Variants in CACNB4 observed in about 807,000 individuals in gnomAD.
The protein encoded by CACNB4 is calcium voltage-gated channel auxiliary subunit beta 4, also known as voltage-dependent L-type calcium channel subunit beta-4.
CACNB4 carries 32 observed loss-of-function variants against 71.2 expected under a neutral mutation model. The observed-to-expected ratio is 0.45, with a 90% CI of 0.34 to 0.60. The LOEUF is 0.60. Among genes scored for constraint, CACNB4 ranks in the 20% least tolerant of loss-of-function variants. CACNB4 has a pLI of 0.01. For synonymous variants in CACNB4, 231 were observed against 236.9 expected (o/e 0.97, Z 0.23); for missense variants, 464 against 647.9 (o/e 0.72, Z 3.08).
chr2:151,982,229 A>G (rs773772108), intron 2 of CACNB4, among the ~76,000 whole-genome samples: 1 of 152,126 alleles, frequency 6.6e-6, no homozygotes, highest in African/African-American at 2.4e-5. Context: ...AGGTTCTTCA[A>G]CTAGAAATTA....
intron 2 of CACNB4, among the ~76,000 whole-genome samples, chr2:151,941,542 A>G (rs1397956163): frequency 1.1e-4 from 16 of 151,972 alleles, no homozygotes; most frequent in Non-Finnish European, 2.4e-4. Context: ...TCAGCCTCCC[A>G]AAGTGCTGGG....
chr2:151,900,066 T>C (rs1419592683), intron 2 of CACNB4, among the ~76,000 whole-genome samples: 2 of 152,086 alleles, frequency 1.3e-5, no homozygotes, highest in African/African-American at 4.8e-5. Context: ...AGCAGAATTA[T>C]CAGGAATGGC....
chr2:152,042,014 A>T (rs73967737), intron 2 of CACNB4, among the ~76,000 whole-genome samples: 1,635 of 152,270 alleles, frequency 0.011, 34 homozygotes, highest in African/African-American at 0.037. Context: ...AGAGCAAACT[A>T]TGTGATCTGT....
chr2:152,062,836 G>A (rs549541191), intron 2 of CACNB4, among the ~76,000 whole-genome samples: 2 of 152,354 alleles, frequency 1.3e-5, no homozygotes, highest in African/African-American at 4.8e-5. Context: ...CAGAGCAGAA[G>A]ACAAGACATG....
intron 2 of CACNB4, among the ~76,000 whole-genome samples, chr2:151,920,246 A>G (rs758230663): frequency 6.6e-6 from 1 of 151,332 alleles, no homozygotes; most frequent in Non-Finnish European, 1.5e-5. Flanking sequence ...GAATAGAACA[A>G]TAGTAAAATG....
intron 13 of CACNB4, among the ~76,000 whole-genome samples, chr2:151,840,419 T>C (rs1209736134): frequency 1.3e-5 from 2 of 152,336 alleles, no homozygotes; most frequent in Middle Eastern, 3.4e-3. Flanking sequence ...GTCAAGATTG[T>C]TGTATTCAAT....
intron 2 of CACNB4, among the ~76,000 whole-genome samples, chr2:152,057,364 G>A (rs1410231266): frequency 6.6e-6 from 1 of 152,172 alleles, no homozygotes; most frequent in Non-Finnish European, 1.5e-5. Context: ...GCCATGCTTA[G>A]ATTCCTAAGC....
rs140386407 is a variant in CACNB4, at chr2:151,837,817, A to G, written c.*1302T>C. The G allele has an allele frequency of 6.6e-6, 1 of 152,280 alleles. No homozygotes were observed. The highest frequency in any genetic ancestry group is 2.4e-5 in the African/African-American group (1 of 41,568). The allele number at this position is 152,280 out of a possible 1,614,324, so 9.4% of individuals were successfully genotyped here. A position where few individuals can be genotyped will look rare whatever the true frequency, so the allele number is the denominator to read the frequency against. On this transcript the variant is annotated 3_prime_UTR_variant, in exon 14 of 14. Coordinates refer to ENST00000539935, the MANE Select transcript of CACNB4 (RefSeq NM_000726.5). ...AGGCAGCTCAATCTCCAAATTCTTTATAATTTTCTGCATTAAAAATGCTAT... is the reference window on the plus strand; with the variant it reads ...AGGCAGCTCAATCTCCAAATTCTTTGTAATTTTCTGCATTAAAAATGCTAT...
chr2:151,993,211 C>T (rs1681816870), intron 2 of CACNB4, among the ~76,000 whole-genome samples: 1 of 151,662 alleles, frequency 6.6e-6, no homozygotes, highest in Admixed American at 6.6e-5. Flanking sequence ...AGCTTTCCTC[C>T]TTGTTTGGAA....
At chr2:151,868,454 T>C (rs2099843743) in intron 9 of CACNB4, 1 of 152,180 alleles carries the variant, frequency 6.6e-6, no homozygotes. Context: ...ATATTTAGAA[T>C]TGAGTCAATA....
At chr2:151,857,196 C>CT (rs2099840530) in intron 10 of CACNB4, 1 of 152,204 alleles carries the variant, frequency 6.6e-6, no homozygotes, top group Admixed American at 6.5e-5. Flanking sequence ...ATACTCAAGA[C>CT]TATCATGAAA....
At chr2:151,933,344 T>C (rs185804874) in intron 2 of CACNB4, among the ~76,000 whole-genome samples, 12 of 152,030 alleles carry the variant, frequency 7.9e-5, no homozygotes, top group Non-Finnish European at 1.8e-4. Flanking sequence ...TGCCATCTCT[T>C]CAAAAGACAG....
chr2:151,963,668 C>T (rs1015797741), intron 2 of CACNB4, among the ~76,000 whole-genome samples: 4 of 152,102 alleles, frequency 2.6e-5, no homozygotes, highest in African/African-American at 9.7e-5. Flanking sequence ...TTACAATGCT[C>T]ACCAATATAT....
intron 4 of CACNB4, 97 bp from the exon 5 acceptor site, chr2:151,876,653 A>C: frequency 1.4e-6 from 1 of 695,704 alleles, no homozygotes; most frequent in Non-Finnish European, 2.3e-6. Context: ...TGCTATTTAT[A>C]TGATATGATA....
At chr2:152,075,843 A>G (rs1406413369) in intron 2 of CACNB4, among the ~76,000 whole-genome samples, 1 of 152,224 alleles carries the variant, frequency 6.6e-6, no homozygotes, top group Non-Finnish European at 1.5e-5. Flanking sequence ...TTAAGAGCTG[A>G]GGCCAAAGTC....
intron 2 of CACNB4, among the ~76,000 whole-genome samples, chr2:152,080,310 A>G (rs1687290341): frequency 6.6e-6 from 1 of 151,944 alleles, no homozygotes; most frequent in African/African-American, 2.4e-5. Flanking sequence ...TTTAGTAGAG[A>G]CAGGGTTTCA....
chr2:151,953,994 T>C (rs993416175), intron 2 of CACNB4, among the ~76,000 whole-genome samples: 3 of 152,236 alleles, frequency 2.0e-5, no homozygotes, highest in Admixed American at 6.5e-5. Flanking sequence ...TATGTCAACA[T>C]ATCTTCACAG....
chr2:151,836,472 C>G lies in CACNB4; in HGVS notation c.*2647G>C, dbSNP rs925717629. ...TCTTTAAAAAAAATAAGATGTATAT[C>G]CCCTTATTTGAGGAAGATAAACTTA... On this transcript the variant is annotated 3_prime_UTR_variant, in exon 14 of 14. Coordinates refer to ENST00000539935, the MANE Select transcript of CACNB4 (RefSeq NM_000726.5). The G allele has an allele frequency of 3.3e-5, 5 of 151,634 alleles. No individual in the cohort carries two copies. Among genetic ancestry groups the G allele is most frequent in the African/African-American group, 1.2e-4 (5 of 41,346 alleles). The allele number at this position is 151,634 out of a possible 1,614,324, so 9.4% of individuals were successfully genotyped here.
chr2:152,092,347 A>G (rs755801841), intron 2 of CACNB4, among the ~76,000 whole-genome samples: 10 of 152,370 alleles, frequency 6.6e-5, no homozygotes, highest in South Asian at 2.1e-4. Flanking sequence ...AGAGAAACAT[A>G]TCTATAACTG....
Sources: allele counts gnomAD v4.1 joint callset (sites outside exome capture counted in the v4.1 genomes callset), GRCh38; gene constraint gnomAD v4.1.1; transcripts MANE v1.5; gene names NCBI Gene and HGNC (gene_info 2026-07-23, HGNC 2026-07-21).